RBFOX3: variants seen among roughly 807,000 people sequenced by gnomAD.
RBFOX3 encodes RNA binding protein fox-1 homolog 3.
A neutral mutation model predicts 48.7 loss-of-function variants in RBFOX3; 17 were observed. The ratio of observed to expected loss-of-function variants is 0.35; its 90% CI spans 0.24 to 0.52. The LOEUF is 0.52. RBFOX3 is among the 20% of genes least tolerant of loss of function. The pLI is 0.94. For missense variants in RBFOX3, 382 were observed against 497.5 expected, an observed-to-expected ratio of 0.77 and a Z score of 2.21; for synonymous variants, 212 against 209.5, an observed-to-expected ratio of 1.01 and a Z score of -0.10.
chr17:79,316,729 C>T (rs999881497), intron 2 of RBFOX3, among the ~76,000 whole-genome samples: 2 of 152,192 alleles, frequency 1.3e-5, no homozygotes, highest in African/African-American at 4.8e-5. Flanking sequence ...GGAAATAAAA[C>T]CCCTGGATAT....
At chr17:79,132,166 A>G (rs769770190) in intron 4 of RBFOX3, among the ~76,000 whole-genome samples, 11 of 151,422 alleles carry the variant, frequency 7.3e-5, no homozygotes, top group Non-Finnish European at 1.5e-4. Flanking sequence ...AACAGTTCCC[A>G]GCTCCCAGGG....
rs56370699 is a variant in RBFOX3, at chr17:79,430,269, C to CAAATAAATAAAT, written c.-175+52173_-175+52184dup. On this transcript the variant is annotated intron_variant, in intron 2 of 14. Transcript: ENST00000693108. ...GAGTGAACCTGTCTAAAACATCTTC[C>CAAATAAATAAAT]AAATAAATAAATAAATAAATAAATA... Among the ~76,000 whole-genome samples, 1,389 of 144,004 alleles carry CAAATAAATAAAT rather than the reference C, an allele frequency of 9.6e-3. 7 individuals are homozygous for CAAATAAATAAAT. The highest frequency in any genetic ancestry group is 0.01 in the Middle Eastern group (3 of 286). 94.5% of individuals were successfully genotyped at this position (144,004 alleles called of 152,430 possible). A position where few individuals can be genotyped will look rare whatever the true frequency, so the allele number is the denominator to read the frequency against.
At chr17:79,318,867 A>AAAAAAAAAAAAAAAAAC in intron 2 of RBFOX3, among the ~76,000 whole-genome samples, 1 of 148,730 alleles carries the variant, frequency 6.7e-6, no homozygotes, top group Non-Finnish European at 1.5e-5. Flanking sequence ...AAAAAAAAAA[A>AAAAAAAAAAAAAAAAAC]AAAAAAAAAA....
chr17:79,591,232 C>A (rs1444469479), intron 1 of RBFOX3, among the ~76,000 whole-genome samples: 1 of 152,156 alleles, frequency 6.6e-6, no homozygotes, highest in Non-Finnish European at 1.5e-5. Context: ...GCCATGTGTC[C>A]CCCCTGGCAC....
intron 2 of RBFOX3, among the ~76,000 whole-genome samples, chr17:79,371,179 C>T (rs1454323367): frequency 2.0e-5 from 3 of 152,310 alleles, no homozygotes; most frequent in East Asian, 1.9e-4. Context: ...GGGACCATGG[C>T]GAGGGGCCAC....
chr17:79,506,613 G>A (rs1476231108), intron 1 of RBFOX3, among the ~76,000 whole-genome samples: 19 of 152,204 alleles, frequency 1.2e-4, no homozygotes, highest in Non-Finnish European at 2.4e-4. Flanking sequence ...GGCGAGGAAA[G>A]AGCCAAGGAA....
intron 2 of RBFOX3, among the ~76,000 whole-genome samples, chr17:79,464,470 T>C (rs2076053014): frequency 6.6e-6 from 1 of 152,198 alleles, no homozygotes; most frequent in Admixed American, 6.5e-5. Flanking sequence ...AGAGGAAGGA[T>C]GCCCAGTACA....
intron 4 of RBFOX3, among the ~76,000 whole-genome samples, chr17:79,209,733 T>C (rs147254870): frequency 0.02 from 2,965 of 151,900 alleles, 74 homozygotes; most frequent in East Asian, 0.099. Flanking sequence ...GTGGCTCATG[T>C]CTGTAATCCC....
rs150749057 is a variant in RBFOX3 at position 79,323,735 on chromosome 17, G to T, written c.-174-15911C>A. On this transcript the variant is annotated intron_variant, in intron 2 of 14. Transcript: ENST00000693108. ...CTGCCTTGGCCAGAGATGGCTGCGT[G>T]CCGAGAGCTGGCGAGAGAGGCATGT... Among the ~76,000 whole-genome samples, 418 of 152,364 alleles carry T rather than the reference G, an allele frequency of 2.7e-3. 4 individuals carry two copies. The highest frequency in any genetic ancestry group is 7.1e-3 in the African/African-American group (295 of 41,584).
intron 2 of RBFOX3, among the ~76,000 whole-genome samples, chr17:79,405,236 G>A (rs541437652): frequency 1.1e-3 from 166 of 152,144 alleles, no homozygotes; most frequent in African/African-American, 3.3e-3. Context: ...TCCACACTGG[G>A]GCATTCTCCT....
At chr17:79,370,579 GCA>G (rs964312403) in intron 2 of RBFOX3, among the ~76,000 whole-genome samples, 7 of 145,542 alleles carry the variant, frequency 4.8e-5, no homozygotes, top group African/African-American at 1.8e-4. Flanking sequence ...ACTCACACAG[GCA>G]CACACACGTA....
At chr17:79,304,302 G>T (rs1392320357) in intron 3 of RBFOX3, among the ~76,000 whole-genome samples, 2 of 151,526 alleles carry the variant, frequency 1.3e-5, no homozygotes, top group Admixed American at 1.3e-4. Context: ...ATACTGTCTA[G>T]CAACAACAGC....
At chr17:79,154,087 G>A (rs1309517434) in intron 4 of RBFOX3, among the ~76,000 whole-genome samples, 2 of 151,734 alleles carry the variant, frequency 1.3e-5, no homozygotes, top group Admixed American at 6.6e-5. Flanking sequence ...TCCTGACCCC[G>A]GCCCCCAAGG....
intron 4 of RBFOX3, among the ~76,000 whole-genome samples, chr17:79,213,687 C>G (rs2058662955): frequency 6.6e-6 from 1 of 152,236 alleles, no homozygotes; most frequent in Non-Finnish European, 1.5e-5. Context: ...CACTTTGCAC[C>G]TAACAGGGTG....
chr17:79,429,911 C>G (rs979202389), intron 2 of RBFOX3, among the ~76,000 whole-genome samples: 1 of 152,146 alleles, frequency 6.6e-6, no homozygotes, highest in Non-Finnish European at 1.5e-5. Context: ...GCTTGAGGAC[C>G]TGACTTTGGC....
chr17:79,303,349 G>A (rs189935334), intron 3 of RBFOX3, among the ~76,000 whole-genome samples: 8 of 152,112 alleles, frequency 5.3e-5, no homozygotes, highest in South Asian at 2.1e-4. Flanking sequence ...CAAATGCTTC[G>A]CCTGTGGACA....
At position 79,535,841 on chromosome 17, in the gene RBFOX3, G is replaced by C. The variant is rs1227481512; in HGVS notation, c.-319-53243C>G. 6.6e-6 allele frequency among the ~76,000 whole-genome samples: 1 copy of C among 152,128 alleles called. No individual in the cohort carries two copies. Among genetic ancestry groups the C allele is most frequent in the Non-Finnish European group, 1.5e-5 (1 of 68,014 alleles). ...GAGTCCACACGGAGAGGGGCCGTGGGTTGATCTCTGCTCCCCCTCAGTCAC... is the reference window on the plus strand; with the variant it reads ...GAGTCCACACGGAGAGGGGCCGTGGCTTGATCTCTGCTCCCCCTCAGTCAC... On this transcript the variant is annotated intron_variant, in intron 1 of 14. Coordinates refer to ENST00000693108, the MANE Select transcript of RBFOX3 (RefSeq NM_001350451.2). This position sits in a 1 kb window ranked among gnomAD's most constrained non-coding sequence, Gnocchi z 4.5.
At chr17:79,454,798 A>C (rs922919672) in intron 2 of RBFOX3, among the ~76,000 whole-genome samples, 2 of 152,196 alleles carry the variant, frequency 1.3e-5, no homozygotes, top group African/African-American at 4.8e-5. Context: ...GCGACTTGGA[A>C]GATGACATGA....
intron 3 of RBFOX3, among the ~76,000 whole-genome samples, chr17:79,237,387 A>T (rs577234765): frequency 2.3e-4 from 35 of 152,314 alleles, no homozygotes; most frequent in African/African-American, 8.4e-4. Flanking sequence ...GCAGGCAGGT[A>T]CACTTCTTAC....
Sources: allele counts gnomAD v4.1 joint callset (sites outside exome capture counted in the v4.1 genomes callset), GRCh38; gene constraint gnomAD v4.1.1; non-coding constraint Gnocchi (gnomAD v3.1); transcripts MANE v1.5; gene names NCBI Gene and HGNC (gene_info 2026-07-23, HGNC 2026-07-21).